PRKN: variants seen among roughly 807,000 people sequenced by gnomAD.
PRKN encodes the protein parkin RBR E3 ubiquitin protein ligase.
Under a neutral mutation model 59.5 loss-of-function variants are expected in PRKN, and 56 were observed. The ratio of observed to expected loss-of-function variants is 0.94; its 90% confidence interval spans 0.76 to 1.18. The LOEUF is 1.18. Ranked by LOEUF, PRKN falls within the 50% of genes most tolerant of loss-of-function variation. PRKN has a pLI of 0.00. For missense variants in PRKN, 657 were observed against 596.4 expected, an observed-to-expected ratio of 1.10 and a Z score of -1.06; for synonymous variants, 250 against 222.1, an observed-to-expected ratio of 1.13 and a Z score of -1.12.
At position 161,352,432 on chromosome 6, in the gene PRKN, GT is replaced by G. The variant is rs1784585178; in HGVS notation, c.1286-2222del. Among the ~76,000 whole-genome samples, 7 of 151,788 alleles carry G rather than the reference GT, an allele frequency of 4.6e-5. No individual in the cohort carries two copies. The stretch of plus-strand genomic sequence containing the variant: ...TTTTATCTTCATACTTTCCACTTAG[GT>G]TTGTGCCATTTTCAGCACATATTGC... On this transcript the variant is annotated intron_variant, in intron 11 of 11. Coordinates refer to ENST00000366898, the MANE Select transcript of PRKN (RefSeq NM_004562.3). This position sits in a 1 kb window ranked among gnomAD's most constrained non-coding sequence, Gnocchi z 5.8.
At chr6:161,574,036 C>G (rs1272872212) in intron 7 of PRKN, among the ~76,000 whole-genome samples, 1 of 151,670 alleles carries the variant, frequency 6.6e-6, no homozygotes, top group Non-Finnish European at 1.5e-5. Context: ...TAGATAATTA[C>G]TTGAAACACC....
intron 1 of PRKN, among the ~76,000 whole-genome samples, chr6:162,485,508 A>G (rs1468174783): frequency 6.6e-6 from 1 of 152,184 alleles, no homozygotes; most frequent in Non-Finnish European, 1.5e-5. Flanking sequence ...AAGCCAAAAT[A>G]AATGTGATTG....
In PRKN at chr6:162,108,604, T is replaced by C. The variant is rs529361531; in HGVS notation, c.535-54430A>G. 3.3e-5 allele frequency among the ~76,000 whole-genome samples: 5 copies of C among 152,254 alleles called. No homozygotes were observed. The South Asian group carries it at 1.0e-3, about 32-fold the overall frequency. On this transcript the variant is annotated intron_variant, in intron 4 of 11. Coordinates refer to ENST00000366898, the MANE Select transcript of PRKN (RefSeq NM_004562.3). ...AGTTCTCTAACTACCATATATGTAA[T>C]ATTAAAAAGGTCATTAAATTGTTGG...
chr6:161,897,961 C>G (rs1283652270), intron 6 of PRKN, among the ~76,000 whole-genome samples: 2 of 11,066 alleles, frequency 1.8e-4, no homozygotes, highest in African/African-American at 1.1e-3. Flanking sequence ...AGCGAGACTC[C>G]GTCTCAAAAA....
intron 7 of PRKN, among the ~76,000 whole-genome samples, chr6:161,705,951 A>G (rs1786472285): frequency 6.6e-6 from 1 of 151,852 alleles, no homozygotes; most frequent in Non-Finnish European, 1.5e-5. Flanking sequence ...ACTGACCACC[A>G]CACTAATCAT....
chr6:162,208,358 C>T (rs1785047241), intron 3 of PRKN, among the ~76,000 whole-genome samples: 1 of 152,184 alleles, frequency 6.6e-6, no homozygotes, highest in Admixed American at 6.5e-5. Flanking sequence ...ACTTCTAAAA[C>T]ATGCTTAGCA....
Position 161,551,672 on chromosome 6 carries a change from G to C in PRKN, c.934-2669C>G, listed in dbSNP as rs137964239. Among the ~76,000 whole-genome samples the C allele has an allele frequency of 6.6e-6, 1 of 152,142 alleles. No homozygotes were observed. The highest frequency in any genetic ancestry group is 1.9e-4 in the East Asian group (1 of 5,188). On this transcript the variant is annotated intron_variant, in intron 8 of 11. Transcript: ENST00000366898. This position sits in a 1 kb window ranked among gnomAD's most constrained non-coding sequence, Gnocchi z 5.2. ...GGAGTCCAGAAAGACTCGGAGGAGAGAAATTCAAAGAAGTGAGAATAGACA... is the reference window on the plus strand; with the variant it reads ...GGAGTCCAGAAAGACTCGGAGGAGACAAATTCAAAGAAGTGAGAATAGACA...
rs140543201 is a variant in PRKN at position 161,814,470 on chromosome 6, T to C, written c.735-28562A>G. Reference sequence around the variant, plus strand: ...AGGAGCAAAAGCATGTCTTACATGGTGGCAGGTAAGAGAGTGTGTGCAGGG... The same window carrying C: ...AGGAGCAAAAGCATGTCTTACATGGCGGCAGGTAAGAGAGTGTGTGCAGGG... On this transcript the variant is annotated intron_variant, in intron 6 of 11. Transcript: ENST00000366898. Among the ~76,000 whole-genome samples, 492 of 152,308 alleles carry C rather than the reference T, an allele frequency of 3.2e-3. 1 individual carries two copies. The highest frequency in any genetic ancestry group is 0.011 in the African/African-American group (469 of 41,572).
chr6:162,359,975 T>C (rs1785063744), intron 2 of PRKN, among the ~76,000 whole-genome samples: 1 of 152,178 alleles, frequency 6.6e-6, no homozygotes, highest in Admixed American at 6.5e-5. Context: ...TTCTAAACTG[T>C]CTCAGTTCTC....
At chr6:161,901,274 T>C (rs977244564) in intron 6 of PRKN, among the ~76,000 whole-genome samples, 5 of 152,138 alleles carry the variant, frequency 3.3e-5, no homozygotes, top group Admixed American at 6.5e-5. Context: ...AAAAAAGCAG[T>C]TTGGATCGAT....
chr6:162,359,457 T>C (rs904952502), intron 2 of PRKN, among the ~76,000 whole-genome samples: 1 of 152,084 alleles, frequency 6.6e-6, no homozygotes, highest in Admixed American at 6.6e-5. Flanking sequence ...ATCACTTGAC[T>C]TTTAACCAAT....
intron 7 of PRKN, among the ~76,000 whole-genome samples, chr6:161,612,097 C>G (rs1782509117): frequency 6.6e-6 from 1 of 152,188 alleles, no homozygotes; most frequent in African/African-American, 2.4e-5. Context: ...AAGTTTGAAA[C>G]TATGAGAGGT....
At chr6:161,680,224 G>T (rs1785266474) in intron 7 of PRKN, among the ~76,000 whole-genome samples, 1 of 152,270 alleles carries the variant, frequency 6.6e-6, no homozygotes, top group East Asian at 1.9e-4. Context: ...TCCTTAATTA[G>T]AGCACTTGGT....
In PRKN at chr6:161,376,852, T is replaced by C. The variant is rs940620432; in HGVS notation, c.1167+9942A>G. On this transcript the variant is annotated intron_variant, in intron 10 of 11. Transcript: ENST00000366898. This position sits in a 1 kb window ranked among gnomAD's most constrained non-coding sequence, Gnocchi z 7.3. ...CCCTGCCTGCAAGTCTCAGAGCCTGTTCTCCTGGGAACCTATAACCTGTGG... is the reference window on the plus strand; with the variant it reads ...CCCTGCCTGCAAGTCTCAGAGCCTGCTCTCCTGGGAACCTATAACCTGTGG... Among the ~76,000 whole-genome samples the C allele has an allele frequency of 6.6e-6, 1 of 152,208 alleles. No homozygotes were observed. Among genetic ancestry groups the C allele is most frequent in the African/African-American group, 2.4e-5 (1 of 41,456 alleles).
chr6:162,144,237 A>G (rs968439222), intron 4 of PRKN, among the ~76,000 whole-genome samples: 1 of 152,156 alleles, frequency 6.6e-6, no homozygotes, highest in Non-Finnish European at 1.5e-5. Flanking sequence ...AAAAGCACAA[A>G]TCTCCAATAA....
chr6:161,856,654 G>A (rs1432804968), intron 6 of PRKN, among the ~76,000 whole-genome samples: 4 of 151,904 alleles, frequency 2.6e-5, no homozygotes, highest in Non-Finnish European at 5.9e-5. Context: ...ATAGTATAAG[G>A]TGATCTCCAG....
At chr6:161,415,459 G>C (rs973999116) in intron 9 of PRKN, among the ~76,000 whole-genome samples, 37 of 151,992 alleles carry the variant, frequency 2.4e-4, no homozygotes, top group Middle Eastern at 3.2e-3. Flanking sequence ...AACCCTTTAC[G>C]TGAGTCAACT....
At chr6:161,754,209 C>T (rs1469262928) in intron 7 of PRKN, among the ~76,000 whole-genome samples, 1 of 151,848 alleles carries the variant, frequency 6.6e-6, no homozygotes, top group Non-Finnish European at 1.5e-5. Context: ...GAAGAGTAGG[C>T]GGGTGAGACA....
In PRKN at chr6:161,404,285, T is replaced by G. The variant is rs7750489; in HGVS notation, c.1084-17408A>C. On this transcript the variant is annotated intron_variant, in intron 9 of 11. Transcript: ENST00000366898. The stretch of plus-strand genomic sequence containing the variant: ...GAGTAGGAGCTTAATAAAGGTTTAT[T>G]CTAGGAAGAAAAGAAAGAAGAACAC... 3.9e-3 allele frequency among the ~76,000 whole-genome samples: 590 copies of G among 152,198 alleles called. 7 individuals are homozygous for G. The highest frequency in any genetic ancestry group is 0.013 in the African/African-American group (559 of 41,496).
Sources: allele counts gnomAD v4.1 joint callset (sites outside exome capture counted in the v4.1 genomes callset), GRCh38; gene constraint gnomAD v4.1.1; non-coding constraint Gnocchi (gnomAD v3.1); transcripts MANE v1.5; gene names NCBI Gene and HGNC (gene_info 2026-07-23, HGNC 2026-07-21).